The following WDR24 variants were observed in gnomAD, a reference collection of about 807,000 sequenced individuals.
WDR24 encodes the protein GATOR2 complex protein WDR24.
A neutral mutation model predicts 66.7 loss-of-function variants in WDR24; 32 were observed. The observed-to-expected ratio is 0.48, with a 90% CI of 0.36 to 0.64. The LOEUF (loss-of-function observed/expected upper bound fraction) is 0.64, where lower values mean the gene tolerates loss of function less well. Among genes scored for constraint, WDR24 ranks in the 30% least tolerant of loss-of-function variants. The pLI, the probability that WDR24 is intolerant of heterozygous loss-of-function variation, is 0.00. For missense variants in WDR24, 978 were observed against 1,144.1 expected, an observed-to-expected ratio of 0.85 and a Z score of 2.09; for synonymous variants, 565 against 469.1, an observed-to-expected ratio of 1.20 and a Z score of -2.64.
chr16:685,410 C>T lies in WDR24; in HGVS notation c.1866G>A (p.Ala622=). Residue 622 remains alanine, a synonymous_variant, in exon 7 of 9, where the codon GCG becomes GCA. Transcript: ENST00000293883. ...SSFSLLSVSH[A]LYDSRLPPDF... ...CGGGCGGCAGGCGGCTGTCGTAGAG[C>T]GCGTGTGAGACAGACAGGAGCGAGA... 1.9e-6 allele frequency: 3 copies of T among 1,612,532 alleles called. No homozygotes were observed. The highest frequency in any genetic ancestry group is 1.7e-6 in the Non-Finnish European group (2 of 1,179,774).
At chr16:688,986 G>A in intron 1 of WDR24, 174 bp downstream of exon 1, 1 of 1,024,480 alleles carries the variant, frequency 9.8e-7, no homozygotes, top group Non-Finnish European at 1.4e-6. Flanking sequence ...TGGCTCACAT[G>A]CCGTCCAGCC....
In WDR24 at chr16:687,364, T is replaced by C. The variant is rs762560229; in HGVS notation, c.712A>G (p.Thr238Ala). The C allele has an allele frequency of 6.2e-7, 1 of 1,600,192 alleles. No homozygotes were observed. Reference protein sequence around the residue: ...RDKMVKVWDMTTHRAKEMHCV... With the variant: ...RDKMVKVWDMATHRAKEMHCV... ...TGCATCTCCTTGGCACGGTGCGTGG[T>C]CATGTCCCAGACCTTCACCATCTTG... Residue 238 changes from threonine (T) to alanine (A), a missense_variant, in exon 3 of 9, where the codon ACC (threonine) becomes GCC (alanine). Thr to Ala is a moderately conservative substitution (Grantham distance 58). Transcript: ENST00000293883.
At position 689,701 on chromosome 16, in the gene WDR24, C is replaced by G. The variant is rs1274595180; in HGVS notation, c.-61G>C. The G allele has an allele frequency of 5.1e-6, 8 of 1,577,328 alleles. No individual in the cohort carries two copies. The highest frequency in any genetic ancestry group is 6.0e-6 in the Non-Finnish European group (7 of 1,162,222). ...CAGTGAGGTGGGCTGGCCTGGTCAG[C>G]CTGGGTGGGTCATCAGTTCAGACCT... On this transcript the variant is annotated 5_prime_UTR_variant, in exon 1 of 9. Coordinates refer to ENST00000293883, the MANE Select transcript of WDR24 (RefSeq NM_032259.4).
In WDR24 at chr16:684,728, G is replaced by A. The variant is rs758293470; in HGVS notation, c.*6C>T. Reference sequence around the variant, plus strand: ...GGCCGCCCGGGCAAGCCCAGCAGATGCCCCGTCAGGAGTACTCGCAGAGGT... The same window carrying A: ...GGCCGCCCGGGCAAGCCCAGCAGATACCCCGTCAGGAGTACTCGCAGAGGT... On this transcript the variant is annotated 3_prime_UTR_variant, in exon 9 of 9. Transcript: ENST00000293883. 1.9e-6 allele frequency: 3 copies of A among 1,584,860 alleles called. No homozygotes were observed. Among genetic ancestry groups the A allele is most frequent in the Non-Finnish European group, 2.6e-6 (3 of 1,165,620 alleles).
rs1344208899 is a variant in WDR24, at chr16:690,311, G to T, written c.-671C>A. On this transcript the variant is annotated 5_prime_UTR_variant, in exon 1 of 9. It adds an upstream start codon to the 5' untranslated region. Transcript: ENST00000293883. ...AGCGGACGCTGCGGGACGAGAACCA[G>T]AGGGCCCGGGGCAGCCCTTCTCCCC... is the stretch of plus-strand genomic sequence containing the variant. The T allele has an allele frequency of 4.4e-6, 2 of 451,860 alleles. No individual in the cohort carries two copies. Among genetic ancestry groups the T allele is most frequent in the Non-Finnish European group, 8.9e-6 (2 of 223,960 alleles). The allele number at this position is 451,860 out of a possible 1,614,324, so 28.0% of individuals were successfully genotyped here.
At chr16:688,775 G>A (rs568563534) in intron 1 of WDR24, among the ~76,000 whole-genome samples, 140 of 152,352 alleles carry the variant, frequency 9.2e-4, no homozygotes, top group African/African-American at 3.0e-3. Context: ...CTGCCTCCCT[G>A]GGCCAGGAAA....
At position 685,404 on chromosome 16, in the gene WDR24, G is replaced by T; in HGVS notation, c.1872C>A (p.Tyr624Ter). 2 of 1,612,580 alleles carry T rather than the reference G, an allele frequency of 1.2e-6. No individual in the cohort carries two copies. The highest frequency in any genetic ancestry group is 1.7e-6 in the Non-Finnish European group (2 of 1,179,832). Residue 624 changes from tyrosine (Y) to a stop codon, truncating the protein, a stop_gained, in exon 7 of 9, where the codon TAC becomes TAA. Transcript: ENST00000293883. LOFTEE classifies it high-confidence loss of function. Reference protein sequence around the residue: ...FSLLSVSHALYDSRLPPDFFG... With the variant: ...FSLLSVSHAL ...AGAAGTCGGGCGGCAGGCGGCTGTC[G>T]TAGAGCGCGTGTGAGACAGACAGGA...
intron 1 of WDR24, 79 bp from the exon 2 acceptor site, chr16:687,818 G>A: frequency 1.3e-6 from 2 of 1,526,548 alleles, no homozygotes; most frequent in African/African-American, 1.4e-5. Flanking sequence ...GTGGCATGGT[G>A]TCACACACCT....
chr16:687,569 C>T lies in WDR24; in HGVS notation c.652G>A (p.Glu218Lys), dbSNP rs1246841019. Residue 218 changes from glutamate (E) to lysine (K), a missense_variant, in exon 2 of 9, where the codon GAG becomes AAG. Coordinates refer to ENST00000293883, the MANE Select transcript of WDR24 (RefSeq NM_032259.4). Reference sequence around the variant, plus strand: ...TGCACCCCCATGCCACACCTGTCCTCGGGGTGCCAGTCGCAGCAGAAGACG... The same window carrying T: ...TGCACCCCCATGCCACACCTGTCCTTGGGGTGCCAGTCGCAGCAGAAGACG... ...GPVFCCDWHP[E>K]DRGWLATGGR... 1.2e-6 allele frequency: 2 copies of T among 1,612,562 alleles called. No individual in the cohort carries two copies. Among genetic ancestry groups the T allele is most frequent in the South Asian group, 1.1e-5 (1 of 91,068 alleles).
At chr16:687,478 G>A (rs1036631628) in intron 2 of WDR24, 62 bp from the exon 3 acceptor site, 63 of 1,575,514 alleles carry the variant, frequency 4.0e-5, no homozygotes, top group Non-Finnish European at 5.2e-5. Context: ...GGACCCCCCC[G>A]CTCTGCTGCT....
At chr16:686,486 C>T (rs1224708604) in intron 3 of WDR24, among the ~76,000 whole-genome samples, 1 of 152,140 alleles carries the variant, frequency 6.6e-6, no homozygotes, top group Non-Finnish European at 1.5e-5. Context: ...GCTCCAGAAG[C>T]AAGGGGGGAA....
Position 685,000 on chromosome 16 carries a change from G to A in WDR24, c.2196C>T (p.Val732=), listed in dbSNP as rs1323263307. 6.5e-7 allele frequency: 1 copy of A among 1,547,610 alleles called. No homozygotes were observed. The highest frequency in any genetic ancestry group is 8.7e-7 in the Non-Finnish European group (1 of 1,148,898). ...CGACCCCACTGCCCCACCTGTCGCA[G>A]ACCCAGCCCCGGCTGCTCATGGGCC... The part of the protein sequence containing the change: ...CKRPMSSRGW[V]CDRCHRCASM... The change falls in exon 8 of 9, where the codon GTC becomes GTT. Residue 732 remains valine (V), a synonymous_variant. Coordinates refer to ENST00000293883, the MANE Select transcript of WDR24 (RefSeq NM_032259.4).
At chr16:686,274 C>T in intron 3 of WDR24, 88 bp from the exon 4 acceptor site, 1 of 1,431,350 alleles carries the variant, frequency 7.0e-7, no homozygotes, top group Non-Finnish European at 9.5e-7. Flanking sequence ...CACAAGCCCT[C>T]AGCATTCAGC....
chr16:688,231 C>A (rs986310337), intron 1 of WDR24: 1 of 366,796 alleles, frequency 2.7e-6, no homozygotes, highest in Non-Finnish European at 5.4e-6. Context: ...GACCACCACA[C>A]CAAGAAACTT....
rs1478158049 is a variant in WDR24 at position 685,083 on chromosome 16, C to T, written c.2113G>A (p.Val705Ile). 1.9e-6 allele frequency: 3 copies of T among 1,557,028 alleles called. No individual in the cohort carries two copies. The highest frequency in any genetic ancestry group is 2.4e-5 in the East Asian group (1 of 41,460). Reference protein sequence around the residue: ...EVVKLSTSRAVSCLNQASTTL... With the variant: ...EVVKLSTSRAISCLNQASTTL... The stretch of plus-strand genomic sequence containing the variant: ...GTGGAGGCCTGGTTGAGGCAGCTGA[C>T]GGCGCGGCTGGTGCTCAGCTTGACC... The change falls in exon 8 of 9, where the codon GTC (valine) becomes ATC (isoleucine). Residue 705 changes from valine to isoleucine, a missense_variant. Around this residue, in one of 2 missense-constraint regions of WDR24, gnomAD observed 676 missense variants for 617.5 expected, o/e 1.09. Transcript: ENST00000293883.
At position 685,010 on chromosome 16, in the gene WDR24, C is replaced by T. The variant is rs1280963292; in HGVS notation, c.2186G>A (p.Arg729Gln). The T allele has an allele frequency of 6.4e-6, 10 of 1,550,790 alleles. 1 individual carries two copies. The highest frequency in any genetic ancestry group is 3.5e-5 in the South Asian group (3 of 84,726). Reference sequence around the variant, plus strand: ...GCCCCACCTGTCGCAGACCCAGCCCCGGCTGCTCATGGGCCGCTTGCAGTG... The same window carrying T: ...GCCCCACCTGTCGCAGACCCAGCCCTGGCTGCTCATGGGCCGCTTGCAGTG... ...CSHCKRPMSS[R>Q]GWVCDRCHRC... The change falls in exon 8 of 9, where the codon CGG becomes CAG. Residue 729 changes from arginine (R) to glutamine (Q), a missense_variant. Transcript: ENST00000293883.
intron 3 of WDR24, 100 bp downstream of exon 3, chr16:686,644 C>T: frequency 7.2e-7 from 1 of 1,397,954 alleles, no homozygotes; most frequent in Non-Finnish European, 9.7e-7. Flanking sequence ...TGGCTGGAGT[C>T]CATTGCGGAG....
Position 687,005 on chromosome 16 carries a change from C to T in WDR24, c.1071G>A (p.Glu357=), listed in dbSNP as rs1433137073. The T allele has an allele frequency of 3.7e-6, 6 of 1,601,870 alleles. No homozygotes were observed. The highest frequency in any genetic ancestry group is 5.1e-6 in the Non-Finnish European group (6 of 1,178,228). The change falls in exon 3 of 9, where the codon GAG becomes GAA. Residue 357 remains glutamate (E), a synonymous_variant. Coordinates refer to ENST00000293883, the MANE Select transcript of WDR24 (RefSeq NM_032259.4). The part of the protein sequence containing the change: ...LFGDLAFAAK[E]SLVAAESGRK... ...GCCCCGACTCGGCAGCCACGAGGCTCTCCTTGGCGGCGAAGGCCAGGTCCC... is the reference window on the plus strand; with the variant it reads ...GCCCCGACTCGGCAGCCACGAGGCTTTCCTTGGCGGCGAAGGCCAGGTCCC...
At position 685,857 on chromosome 16, in the gene WDR24, A is replaced by G. The variant is rs762960256; in HGVS notation, c.1573+12T>C. On this transcript the variant is annotated intron_variant, in intron 5 of 8. Coordinates refer to ENST00000293883, the MANE Select transcript of WDR24 (RefSeq NM_032259.4). ...CCCTCTCCCATCAGCACCCCTACCC[A>G]CCCCAGCCTACCCTCATTGGTGATG... 11 of 1,607,812 alleles carry G rather than the reference A, an allele frequency of 6.8e-6. No individual in the cohort carries two copies. Among genetic ancestry groups the G allele is most frequent in the Non-Finnish European group, 9.3e-6 (11 of 1,178,556 alleles).
Sources: allele counts gnomAD v4.1 joint callset (sites outside exome capture counted in the v4.1 genomes callset), GRCh38; gene constraint gnomAD v4.1.1; regional missense constraint gnomAD v4.1.1; transcripts MANE v1.5; gene names NCBI Gene and HGNC (gene_info 2026-07-23, HGNC 2026-07-21).